The following ST7L variants were observed in gnomAD, a reference collection of about 807,000 sequenced individuals.
The protein encoded by ST7L is suppression of tumorigenicity 7 like.
A neutral mutation model predicts 72.5 loss-of-function variants in ST7L; 57 were observed. The observed-to-expected ratio is 0.79, with a 90% CI of 0.64 to 0.98. The LOEUF (loss-of-function observed/expected upper bound fraction) is 0.98. ST7L is among the 50% of genes least tolerant of loss of function. The pLI is 0.00. For synonymous variants in ST7L, 221 were observed against 240.9 expected (o/e 0.92, Z 0.77); for missense variants, 576 against 672.2 (o/e 0.86, Z 1.58).
chr1:112,547,561 C>CTTTTTTTTTT (rs59755766), intron 13 of ST7L, among the ~76,000 whole-genome samples: 15 of 62,026 alleles, frequency 2.4e-4, no homozygotes, highest in African/African-American at 8.3e-4. Flanking sequence ...TCTTTGTCAT[C>CTTTTTTTTTT]TTTTTTTTTT....
chr1:112,585,535 G>A (rs938621590), intron 6 of ST7L, among the ~76,000 whole-genome samples: 7 of 152,018 alleles, frequency 4.6e-5, no homozygotes, highest in Non-Finnish European at 1.0e-4. Flanking sequence ...GAGGTCAGGA[G>A]ATCGAGACCA....
rs568219130 is a variant in ST7L at position 112,554,287 on chromosome 1, G to A, written c.1396+1581C>T. 9.2e-5 allele frequency among the ~76,000 whole-genome samples: 14 copies of A among 151,830 alleles called. No individual in the cohort carries two copies. The East Asian group carries it at 1.9e-3, about 21-fold the overall frequency. On this transcript the variant is annotated intron_variant, in intron 12 of 14. Transcript: ENST00000358039. ...ATAAGAAGCAACAATTAAAGAGATC[G>A]GGTAGTTAGTTTAAAACAGTCCAAT...
chr1:112,582,496 A>G (rs1424530081), intron 7 of ST7L, 24 bp from the exon 8 acceptor site: 4 of 1,403,110 alleles, frequency 2.9e-6, no homozygotes, highest in Non-Finnish European at 4.0e-6. Context: ...CAAAAAAATG[A>G]TACAACTATC....
intron 14 of ST7L, among the ~76,000 whole-genome samples, chr1:112,538,005 T>C (rs567243039): frequency 6.6e-5 from 10 of 152,238 alleles, no homozygotes; most frequent in Non-Finnish European, 1.5e-4. Context: ...ACAATTTTTT[T>C]AACAAATGCA....
intron 6 of ST7L, among the ~76,000 whole-genome samples, chr1:112,587,086 G>A (rs1030091197): frequency 6.6e-6 from 1 of 152,078 alleles, no homozygotes; most frequent in African/African-American, 2.4e-5. Context: ...TGAGACCACT[G>A]CTAAATTCAA....
At chr1:112,555,845 T>C (rs372021586) in intron 12 of ST7L, 23 bp downstream of exon 12, 5 of 1,480,026 alleles carry the variant, frequency 3.4e-6, no homozygotes, top group East Asian at 2.4e-5. Flanking sequence ...AGATTAGTGT[T>C]ACTTTTGGAA....
intron 14 of ST7L, among the ~76,000 whole-genome samples, chr1:112,536,062 T>C (rs1423999835): frequency 2.0e-5 from 3 of 152,302 alleles, no homozygotes; most frequent in Non-Finnish European, 2.9e-5. Context: ...TATTTTATTA[T>C]CTGTATTATC....
intron 5 of ST7L, among the ~76,000 whole-genome samples, chr1:112,595,549 T>C (rs942824610): frequency 6.6e-6 from 1 of 152,028 alleles, no homozygotes; most frequent in Non-Finnish European, 1.5e-5. Flanking sequence ...GCCTCTCAAG[T>C]AGCTGGGACT....
chr1:112,542,576 G>A (rs962950901), intron 13 of ST7L, among the ~76,000 whole-genome samples: 11 of 151,908 alleles, frequency 7.2e-5, no homozygotes, highest in Non-Finnish European at 1.0e-4. Context: ...AAGCAAAATC[G>A]TGCTTAAAAA....
At chr1:112,536,645 C>CTA (rs928378562) in intron 14 of ST7L, among the ~76,000 whole-genome samples, 3 of 152,054 alleles carry the variant, frequency 2.0e-5, no homozygotes, top group Non-Finnish European at 4.4e-5. Context: ...ATCTGACCTT[C>CTA]TATATCTTTG....
intron 2 of ST7L, among the ~76,000 whole-genome samples, chr1:112,614,808 G>A (rs752431809): frequency 5.9e-5 from 9 of 152,068 alleles, no homozygotes; most frequent in Non-Finnish European, 1.3e-4. Flanking sequence ...AATTTAAAGG[G>A]AAGAGAAAAA....
rs908174106 is a variant in ST7L, at chr1:112,540,125, T to C, written c.1629+1826A>G. On this transcript the variant is annotated intron_variant, in intron 14 of 14. Transcript: ENST00000358039. ...TAAAGGCAGACACTATAAACATTAA[T>C]TGTAGCTTGCACCCCATGGAAATAT... 10 of 985,300 alleles carry C rather than the reference T, an allele frequency of 1.0e-5. No individual in the cohort carries two copies. In the Admixed American group the frequency reaches 4.3e-4, roughly 42 times the overall value. 61.0% of individuals were successfully genotyped at this position (985,300 alleles called of 1,614,324 possible).
In ST7L at chr1:112,581,977, G is replaced by A; in HGVS notation, c.1069+15C>T. 7.0e-7 allele frequency: 1 copy of A among 1,433,612 alleles called. No individual in the cohort carries two copies. Among genetic ancestry groups the A allele is most frequent in the Non-Finnish European group, 9.8e-7 (1 of 1,017,126 alleles). 88.8% of individuals were successfully genotyped at this position (1,433,612 alleles called of 1,614,324 possible). ...AAAGAATAACCATGCTATCAACTAA[G>A]GGAATATGACTCACCATCATATTTT... On this transcript the variant is annotated intron_variant, in intron 9 of 14. Coordinates refer to ENST00000358039, the MANE Select transcript of ST7L (RefSeq NM_017744.5).
At position 112,523,530 on chromosome 1, in the gene ST7L, A is replaced by G. The variant is rs1652995947; in HGVS notation, c.*2483T>C. On this transcript the variant is annotated 3_prime_UTR_variant, in exon 15 of 15. Coordinates refer to ENST00000358039, the MANE Select transcript of ST7L (RefSeq NM_017744.5). ...AGACACTAATTTATTTGGAACAAGC[A>G]GCAAAATGAGAACTTTATTTGGTGC... 6.6e-6 allele frequency: 1 copy of G among 152,214 alleles called. No individual in the cohort carries two copies. Among genetic ancestry groups the G allele is most frequent in the Non-Finnish European group, 1.5e-5 (1 of 68,040 alleles). The allele number at this position is 152,214 out of a possible 1,614,324, so 9.4% of individuals were successfully genotyped here.
At chr1:112,566,297 CTTTTTTTT>C (rs71084471) in intron 11 of ST7L, among the ~76,000 whole-genome samples, 1 of 105,948 alleles carries the variant, frequency 9.4e-6, no homozygotes, top group Non-Finnish European at 1.7e-5. Flanking sequence ...TCTTCTTCTT[CTTTTTTTT>C]TTTTTTTTTT....
chr1:112,550,898 G>GT (rs1404147518), intron 12 of ST7L, among the ~76,000 whole-genome samples: 1 of 152,074 alleles, frequency 6.6e-6, no homozygotes, highest in African/African-American at 2.4e-5. Context: ...TCTGGCTGGA[G>GT]TAAAACTATA....
At chr1:112,556,081 A>G in intron 11 of ST7L, 63 bp from the exon 12 acceptor site, 4 of 1,219,446 alleles carry the variant, frequency 3.3e-6, no homozygotes, top group Non-Finnish European at 4.3e-6. Flanking sequence ...AAATTGTGTT[A>G]AATTCAAACA....
intron 11 of ST7L, among the ~76,000 whole-genome samples, chr1:112,567,750 T>C (rs1223472131): frequency 1.3e-5 from 2 of 152,190 alleles, no homozygotes; most frequent in Admixed American, 6.6e-5. Context: ...CAAAAATCAA[T>C]TGACAGTATA....
At chr1:112,569,535 G>A (rs1661691871) in intron 11 of ST7L, among the ~76,000 whole-genome samples, 1 of 152,232 alleles carries the variant, frequency 6.6e-6, no homozygotes, top group African/African-American at 2.4e-5. Flanking sequence ...ACTGGGGGGT[G>A]ACTACTAACA....
Sources: gnomAD v4.1 joint callset for allele counts (sites outside exome capture counted in the v4.1 genomes callset) on GRCh38, gnomAD v4.1.1 for gene constraint, MANE v1.5 for transcripts, NCBI Gene and HGNC (gene_info 2026-07-23, HGNC 2026-07-21) for gene names.